ABHD2: variants seen among roughly 807,000 people sequenced by gnomAD.
The protein encoded by ABHD2 is abhydrolase domain containing 2, acylglycerol lipase.
Under a neutral mutation model 48.1 loss-of-function variants are expected in ABHD2, and 20 were observed. The ratio of observed to expected loss-of-function variants is 0.42; its 90% CI spans 0.29 to 0.60. The LOEUF (loss-of-function observed/expected upper bound fraction) is 0.60, where lower values mean the gene tolerates loss of function less well. Ranked by LOEUF, ABHD2 falls within the 20% of genes least tolerant of loss-of-function variation. The pLI is 0.24. For synonymous variants in ABHD2, 209 were observed against 214.2 expected, an observed-to-expected ratio of 0.98 and a Z score of 0.21; for missense variants, 405 against 550.9, an observed-to-expected ratio of 0.74 and a Z score of 2.65.
At chr15:89,127,476 C>T (rs931041971) in intron 3 of ABHD2, among the ~76,000 whole-genome samples, 2 of 151,842 alleles carry the variant, frequency 1.3e-5, no homozygotes, top group Non-Finnish European at 2.9e-5. Context: ...CCATGACCAA[C>T]CTGACTTTCC....
chr15:89,112,129 T>C (rs763884185), intron 1 of ABHD2, among the ~76,000 whole-genome samples: 4 of 151,406 alleles, frequency 2.6e-5, no homozygotes, highest in African/African-American at 4.9e-5. Context: ...TAATAGGGAG[T>C]GGTGGGGACT....
At chr15:89,052,415 C>T in the ABHD2 span, among the ~76,000 whole-genome samples, 1 of 152,074 alleles carries the variant, frequency 6.6e-6, no homozygotes, top group Admixed American at 6.6e-5. Flanking sequence ...GCAGGCTAAT[C>T]TTAGAATTTC....
intron 4 of ABHD2, among the ~76,000 whole-genome samples, chr15:89,152,552 G>T (rs778661299): frequency 6.6e-6 from 1 of 152,136 alleles, no homozygotes; most frequent in South Asian, 2.1e-4. Flanking sequence ...CTCAAATAGC[G>T]CTGTGAGGCT....
chr15:89,142,196 G>T (rs1232506560), intron 3 of ABHD2, among the ~76,000 whole-genome samples: 1 of 152,172 alleles, frequency 6.6e-6, no homozygotes, highest in Non-Finnish European at 1.5e-5. Flanking sequence ...GTAAAGTGGG[G>T]TTAACAGTAT....
the ABHD2 span, among the ~76,000 whole-genome samples, chr15:89,067,751 A>T: frequency 6.6e-6 from 1 of 152,072 alleles, no homozygotes; most frequent in African/African-American, 2.4e-5. Context: ...CCTGCCTGCT[A>T]CTATCCTAAC....
In ABHD2 at chr15:89,201,522, T is replaced by C; in HGVS notation, c.*6099T>C. 1 of 1,594,242 alleles carries C rather than the reference T, an allele frequency of 6.3e-7. No individual in the cohort carries two copies. The highest frequency in any genetic ancestry group is 8.6e-7 in the Non-Finnish European group (1 of 1,162,082). On this transcript the variant is annotated 3_prime_UTR_variant, in exon 11 of 11. Transcript: ENST00000352732. Reference sequence around the variant, plus strand: ...GTGGAGCAAAAATTGTACCATAAACTTGTGTTTACTCTTTTCATTCGGATC... The same window carrying C: ...GTGGAGCAAAAATTGTACCATAAACCTGTGTTTACTCTTTTCATTCGGATC...
At position 89,116,927 on chromosome 15, in the gene ABHD2, C is replaced by G. The variant is rs1336881324; in HGVS notation, c.194+406C>G. Among the ~76,000 whole-genome samples, 1 of 152,226 alleles carries G rather than the reference C, an allele frequency of 6.6e-6. No homozygotes were observed. Among genetic ancestry groups the G allele is most frequent in the Non-Finnish European group, 1.5e-5 (1 of 68,038 alleles). ...AGCACAGATCCATTAGTTGAGTACT[C>G]TCCATCTGCCTTGTTGAAAAATGTA... is the stretch of plus-strand genomic sequence containing the variant. On this transcript the variant is annotated intron_variant, in intron 3 of 10. Transcript: ENST00000352732. The surrounding 1 kb of genome is among the most constrained non-coding windows in gnomAD (Gnocchi z 4.6).
At chr15:89,123,564 CT>C (rs933441770) in intron 3 of ABHD2, among the ~76,000 whole-genome samples, 10 of 129,956 alleles carry the variant, frequency 7.7e-5, no homozygotes, top group Middle Eastern at 3.8e-3. Flanking sequence ...AGTTATTTCT[CT>C]TTTTTTTTCT....
intron 10 of ABHD2, 137 bp downstream of exon 10, chr15:89,193,456 T>G (rs906333308): frequency 1.4e-6 from 1 of 729,564 alleles, no homozygotes; most frequent in Middle Eastern, 2.8e-4. Flanking sequence ...GTGTTCTTAT[T>G]CTGTGTAGCC....
chr15:89,065,585 T>C, the ABHD2 span, among the ~76,000 whole-genome samples: 3 of 152,190 alleles, frequency 2.0e-5, no homozygotes, highest in Non-Finnish European at 2.9e-5. Context: ...TTAATGCACA[T>C]GAAGGAGGCA....
chr15:89,087,939 C>T (rs72760632), upstream of ABHD2: 23,356 of 152,114 alleles, frequency 0.15, 2,022 homozygotes, highest in South Asian at 0.28. The surrounding 1 kb of genome is among the most constrained non-coding windows in gnomAD (Gnocchi z 5.5). Flanking sequence ...TCAAATTTCA[C>T]CCCTGCGAAA....
chr15:89,159,831 T>C (rs765299606), intron 5 of ABHD2, among the ~76,000 whole-genome samples: 17 of 152,208 alleles, frequency 1.1e-4, no homozygotes, highest in Non-Finnish European at 2.4e-4. Flanking sequence ...CTGTAGTTTA[T>C]TATACTTTAG....
At position 89,185,599 on chromosome 15, in the gene ABHD2, G is replaced by T; in HGVS notation, c.815+83G>T. 2 of 1,232,280 alleles carry T rather than the reference G, an allele frequency of 1.6e-6. No individual in the cohort carries two copies. The highest frequency in any genetic ancestry group is 4.0e-5 in the Admixed American group (2 of 50,360). 76.3% of individuals were successfully genotyped at this position (1,232,280 alleles called of 1,614,324 possible). ...GGAACCGTGAAAAGCCAGGACTCCT[G>T]TTCCTTCAGGGGAAAAAAAAAAATG... On this transcript the variant is annotated intron_variant, in intron 7 of 10. Transcript: ENST00000352732. The surrounding 1 kb of genome is among the most constrained non-coding windows in gnomAD (Gnocchi z 5.9).
At chr15:89,078,696 TC>T in the ABHD2 span, among the ~76,000 whole-genome samples, 2 of 151,612 alleles carry the variant, frequency 1.3e-5, no homozygotes, top group East Asian at 3.9e-4. Flanking sequence ...AAAACACAGT[TC>T]TGTTGAATCT....
the ABHD2 span, among the ~76,000 whole-genome samples, chr15:89,057,356 C>G: frequency 6.6e-6 from 1 of 152,202 alleles, no homozygotes; most frequent in East Asian, 1.9e-4. Flanking sequence ...CTTCCTTCAT[C>G]TCCACTTCCC....
intron 3 of ABHD2, among the ~76,000 whole-genome samples, chr15:89,139,813 G>A (rs1424734984): frequency 6.6e-6 from 1 of 152,140 alleles, no homozygotes; most frequent in African/African-American, 2.4e-5. Context: ...GTGAAGATGG[G>A]CATTCTCTCT....
chr15:89,108,066 T>C lies in ABHD2; in HGVS notation c.-106-5659T>C, dbSNP rs112999385. On this transcript the variant is annotated intron_variant, in intron 1 of 10. Coordinates refer to ENST00000352732, the MANE Select transcript of ABHD2 (RefSeq NM_152924.5). ...TCATGTCAGTTAGCTGTCATCTGAA[T>C]TGATGGGAGCGTGTCTGAGTAACAA... Among the ~76,000 whole-genome samples, 1,479 of 152,332 alleles carry C rather than the reference T, an allele frequency of 9.7e-3. 24 individuals carry two copies. The highest frequency in any genetic ancestry group is 0.032 in the African/African-American group (1,343 of 41,568).
At chr15:89,082,189 G>T in the ABHD2 span, among the ~76,000 whole-genome samples, 1 of 152,148 alleles carries the variant, frequency 6.6e-6, no homozygotes, top group East Asian at 1.9e-4. The surrounding 1 kb of genome is among the most constrained non-coding windows in gnomAD (Gnocchi z 4.4). Flanking sequence ...GCTGAATAAG[G>T]TATTTAATTT....
At chr15:89,071,623 T>C in the ABHD2 span, among the ~76,000 whole-genome samples, 1 of 152,148 alleles carries the variant, frequency 6.6e-6, no homozygotes. Context: ...CCATCCCTTA[T>C]ACGGCCCACA....
Sources: gnomAD v4.1 joint callset for allele counts (sites outside exome capture counted in the v4.1 genomes callset) on GRCh38, gnomAD v4.1.1 for gene constraint, Gnocchi (gnomAD v3.1) non-coding constraint, MANE v1.5 for transcripts, NCBI Gene and HGNC (gene_info 2026-07-23, HGNC 2026-07-21) for gene names.